The following RHOH variants were observed in gnomAD, a reference collection of about 807,000 sequenced individuals.
The protein encoded by RHOH is rho-related GTP-binding protein RhoH.
Under a neutral mutation model 13.8 loss-of-function variants are expected in RHOH, and 6 were observed. That is an observed-to-expected ratio of 0.44 (90% CI 0.24 to 0.86). RHOH has a LOEUF of 0.86. Among genes scored for constraint, RHOH ranks in the 40% least tolerant of loss-of-function variants. RHOH has a pLI of 0.24. For synonymous variants in RHOH, 117 were observed against 103.0 expected (o/e 1.14, Z -0.82); for missense variants, 147 against 244.5 (o/e 0.60, Z 2.66).
At chr4:40,194,187 A>G (rs1722896638), upstream of RHOH, among the ~76,000 whole-genome samples, 3 of 151,748 alleles carry the variant, frequency 2.0e-5, no homozygotes, top group African/African-American at 7.3e-5. Flanking sequence ...TTTTATCCTG[A>G]ATTTTCTGAA....
chr4:40,205,589 T>G (rs1254664445), intron 1 of RHOH: 1 of 152,200 alleles, frequency 6.6e-6, no homozygotes, highest in Non-Finnish European at 1.5e-5. Context: ...GGGAACTGAG[T>G]GTTTTCAGCT....
Position 40,245,663 on chromosome 4 carries a change from C to A in RHOH, c.*1701C>A, listed in dbSNP as rs544067639. The A allele has an allele frequency of 1.5e-4, 23 of 152,074 alleles. No homozygotes were observed. In the East Asian group the frequency reaches 3.1e-3, roughly 20 times the overall value. 9.4% of individuals were successfully genotyped at this position (152,074 alleles called of 1,614,324 possible). ...CTGAACCACCTTTATGAAGGTACAT[C>A]ATTGTTATGGGGTAACGTGACTATT... is the stretch of plus-strand genomic sequence containing the variant. On this transcript the variant is annotated 3_prime_UTR_variant, in exon 3 of 3. Coordinates refer to ENST00000381799, the MANE Select transcript of RHOH (RefSeq NM_004310.5).
rs397967739 is a variant in RHOH at position 40,245,538 on chromosome 4, C to CAAAAAAAAAAAAAAAA, written c.*1590_*1591insAAAAAAAAAAAAAAAA. The CAAAAAAAAAAAAAAAA allele has an allele frequency of 1.0e-5, 1 of 96,746 alleles. No homozygotes were observed. 6.0% of individuals were successfully genotyped at this position (96,746 alleles called of 1,614,324 possible). A position where few individuals can be genotyped will look rare whatever the true frequency, so the allele number is the denominator to read the frequency against. ...TGGGCAACAGAGGGAGACTCCATCT[C>CAAAAAAAAAAAAAAAA]AAAAAAAAAAAAAAGAAAAGAAAAA... On this transcript the variant is annotated 3_prime_UTR_variant, in exon 3 of 3. Transcript: ENST00000381799.
rs2109439650 is a variant in RHOH, at chr4:40,218,762, G to T, written c.-331+21462G>T. On this transcript the variant is annotated intron_variant, in intron 1 of 2. Coordinates refer to ENST00000381799, the MANE Select transcript of RHOH (RefSeq NM_004310.5). The surrounding 1 kb of genome is among the most constrained non-coding windows in gnomAD (Gnocchi z 4.1). Reference sequence around the variant, plus strand: ...CCCATCTAGTTCAATGCCTCATTTTGCGGATGAAAAAACAGGTTTGGAGTG... The same window carrying T: ...CCCATCTAGTTCAATGCCTCATTTTTCGGATGAAAAAACAGGTTTGGAGTG... Among the ~76,000 whole-genome samples, 1 of 152,272 alleles carries T rather than the reference G, an allele frequency of 6.6e-6. No individual in the cohort carries two copies. The highest frequency in any genetic ancestry group is 2.4e-5 in the African/African-American group (1 of 41,554).
At chr4:40,214,356 A>G (rs1257112446) in intron 1 of RHOH, among the ~76,000 whole-genome samples, 1 of 152,216 alleles carries the variant, frequency 6.6e-6, no homozygotes, top group Non-Finnish European at 1.5e-5. Flanking sequence ...ATGAGATTTC[A>G]GAAGGTTAGC....
At chr4:40,217,020 G>A (rs1347668229) in intron 1 of RHOH, among the ~76,000 whole-genome samples, 2 of 152,184 alleles carry the variant, frequency 1.3e-5, no homozygotes, top group Non-Finnish European at 2.9e-5. Context: ...AGCATGCTGA[G>A]CAGGATGGGT....
At chr4:40,224,144 G>A (rs1189778475) in intron 1 of RHOH, among the ~76,000 whole-genome samples, 2 of 152,104 alleles carry the variant, frequency 1.3e-5, no homozygotes, top group African/African-American at 4.8e-5. Context: ...TCACTTTATT[G>A]CAGTGGTCTG....
At chr4:40,195,152 C>A (rs1722990445), upstream of RHOH, among the ~76,000 whole-genome samples, 1 of 152,144 alleles carries the variant, frequency 6.6e-6, no homozygotes, top group African/African-American at 2.4e-5. Flanking sequence ...CTTCTCTTGG[C>A]CTCATTTTCA....
intron 1 of RHOH, among the ~76,000 whole-genome samples, chr4:40,201,977 G>T (rs1724064038): frequency 7.4e-6 from 1 of 135,954 alleles, no homozygotes; most frequent in South Asian, 2.3e-4. Flanking sequence ...TTTTAAGACA[G>T]GGTCTTGTTT....
At chr4:40,201,258 C>A (rs150276122) in intron 1 of RHOH, among the ~76,000 whole-genome samples, 3 of 152,014 alleles carry the variant, frequency 2.0e-5, no homozygotes, top group African/African-American at 7.2e-5. Flanking sequence ...TCTATCCCCC[C>A]CTTTTTTTTT....
At chr4:40,195,354 T>TTTCCTTCCTTCCTTCCTTCCTTCCTTCC (rs376202855), upstream of RHOH, among the ~76,000 whole-genome samples, 1 of 91,948 alleles carries the variant, frequency 1.1e-5, no homozygotes, top group Non-Finnish European at 2.3e-5. Flanking sequence ...CTTTCTTTCT[T>TTTCCTTCCTTCCTTCCTTCCTTCCTTCC]TTCCTTCCTT....
intron 1 of RHOH, among the ~76,000 whole-genome samples, chr4:40,205,370 C>T (rs1325746326): frequency 6.6e-6 from 1 of 152,230 alleles, no homozygotes; most frequent in Non-Finnish European, 1.5e-5. Context: ...ACTGGATACC[C>T]AGCCCAGCTG....
intron 1 of RHOH, among the ~76,000 whole-genome samples, chr4:40,216,836 G>A (rs997216465): frequency 6.6e-6 from 1 of 152,150 alleles, no homozygotes; most frequent in Admixed American, 6.5e-5. Context: ...GTTATCAGAT[G>A]ACTGAAATTT....
At chr4:40,203,710 AC>A (rs1197347459) in intron 1 of RHOH, among the ~76,000 whole-genome samples, 1 of 152,166 alleles carries the variant, frequency 6.6e-6, no homozygotes, top group Non-Finnish European at 1.5e-5. Flanking sequence ...AGCTGTACTT[AC>A]GATATTCCTT....
Position 40,243,285 on chromosome 4 carries a change from T to A in RHOH, c.-102T>A, listed in dbSNP as rs1354795224. The A allele has an allele frequency of 3.4e-5, 34 of 995,940 alleles. No homozygotes were observed. The highest frequency in any genetic ancestry group is 6.5e-4 in the Middle Eastern group (2 of 3,054). 61.7% of individuals were successfully genotyped at this position (995,940 alleles called of 1,614,324 possible). A position where few individuals can be genotyped will look rare whatever the true frequency, so the allele number is the denominator to read the frequency against. On this transcript the variant is annotated 5_prime_UTR_variant, in exon 3 of 3. Coordinates refer to ENST00000381799, the MANE Select transcript of RHOH (RefSeq NM_004310.5). This position sits in a 1 kb window ranked among gnomAD's most constrained non-coding sequence, Gnocchi z 6.2. ...GAGGTCCTGAGGACACAGACCTACC[T>A]GGCTTGCATTCCCCTTGCTGAATGG...
chr4:40,192,407 C>T (rs1432978578), upstream of RHOH, among the ~76,000 whole-genome samples: 1 of 152,140 alleles, frequency 6.6e-6, no homozygotes, highest in Non-Finnish European at 1.5e-5. Context: ...ATCTTACTAA[C>T]CCAGCGTTGA....
chr4:40,241,186 A>G (rs1163900667), intron 1 of RHOH, among the ~76,000 whole-genome samples: 1 of 152,226 alleles, frequency 6.6e-6, no homozygotes, highest in Non-Finnish European at 1.5e-5. Context: ...AATGGGGTCC[A>G]TGACCACGGT....
chr4:40,216,791 T>G (rs1338615467), intron 1 of RHOH, among the ~76,000 whole-genome samples: 2 of 152,244 alleles, frequency 1.3e-5, no homozygotes, highest in African/African-American at 2.4e-5. Context: ...GAGTTGATTT[T>G]TAAAACATAC....
intron 1 of RHOH, among the ~76,000 whole-genome samples, chr4:40,201,731 C>A (rs1487984428): frequency 6.6e-6 from 1 of 151,656 alleles, no homozygotes; most frequent in African/African-American, 2.4e-5. Flanking sequence ...GTGTAAAATA[C>A]AAATATGGCA....
Sources: allele counts gnomAD v4.1 joint callset (sites outside exome capture counted in the v4.1 genomes callset), GRCh38; gene constraint gnomAD v4.1.1; non-coding constraint Gnocchi (gnomAD v3.1); transcripts MANE v1.5; gene names NCBI Gene and HGNC (gene_info 2026-07-23, HGNC 2026-07-21).